The following COL15A1 variants were observed in gnomAD, a reference collection of about 807,000 sequenced individuals.
The protein encoded by COL15A1 is collagen alpha-1(XV) chain.
A neutral mutation model predicts 165.9 loss-of-function variants in COL15A1; 111 were observed. That is an observed-to-expected ratio of 0.67 (90% CI 0.57 to 0.78). The LOEUF (loss-of-function observed/expected upper bound fraction) is 0.78, where lower values mean the gene tolerates loss of function less well. Ranked by LOEUF, COL15A1 falls within the 30% of genes least tolerant of loss-of-function variation. COL15A1 has a pLI of 0.00. For missense variants in COL15A1, 1,745 were observed against 1,789.7 expected (o/e 0.98, Z 0.45); for synonymous variants, 659 against 674.8 (o/e 0.98, Z 0.36).
intron 2 of COL15A1, among the ~76,000 whole-genome samples, chr9:98,981,647 T>G (rs1038065563): frequency 6.6e-6 from 1 of 152,106 alleles, no homozygotes; most frequent in Non-Finnish European, 1.5e-5. Context: ...CGAGTGGACA[T>G]ACAAATGCGT....
chr9:99,063,267 G>C (rs114803848), intron 39 of COL15A1, among the ~76,000 whole-genome samples, 158 bp downstream of exon 39: 10 of 152,194 alleles, frequency 6.6e-5, no homozygotes, highest in Non-Finnish European at 1.5e-4. Flanking sequence ...GTGGTAAGTT[G>C]TTTGGGTGAA....
intron 7 of COL15A1, among the ~76,000 whole-genome samples, chr9:99,002,566 G>A (rs889753420): frequency 1.3e-5 from 2 of 152,202 alleles, no homozygotes; most frequent in Non-Finnish European, 2.9e-5. Context: ...TTTAGCATGG[G>A]GAGATTACCT....
intron 24 of COL15A1, among the ~76,000 whole-genome samples, chr9:99,044,019 A>G (rs1839453791): frequency 6.6e-6 from 1 of 152,166 alleles, no homozygotes; most frequent in Non-Finnish European, 1.5e-5. Context: ...ATGGAGACAT[A>G]AGGCCTCCAT....
intron 16 of COL15A1, among the ~76,000 whole-genome samples, chr9:99,033,284 CAG>C (rs1447159292): frequency 6.6e-6 from 1 of 152,072 alleles, no homozygotes; most frequent in Non-Finnish European, 1.5e-5. Flanking sequence ...TTGGACCTCA[CAG>C]AGTTTCCTAG....
At chr9:99,001,168 C>G (rs1390450781) in intron 7 of COL15A1, among the ~76,000 whole-genome samples, 1 of 152,156 alleles carries the variant, frequency 6.6e-6, no homozygotes, top group Non-Finnish European at 1.5e-5. Flanking sequence ...ATATGCAGTG[C>G]AAGCTTGTCC....
At position 98,960,264 on chromosome 9, in the gene COL15A1, G is replaced by A. The variant is rs181480494; in HGVS notation, c.100+16014G>A. Among the ~76,000 whole-genome samples, 4 of 152,206 alleles carry A rather than the reference G, an allele frequency of 2.6e-5. No homozygotes were observed. In the East Asian group the frequency reaches 5.8e-4, roughly 22 times the overall value. On this transcript the variant is annotated intron_variant, in intron 2 of 41. Transcript: ENST00000375001. ...CTCTATAAAAAATTAGCATGATGTG[G>A]TGACATGTGCCTGTACTCCCAGCTA...
chr9:99,015,478 CT>C lies in COL15A1; in HGVS notation c.1419del (p.Phe473LeufsTer85). 6.2e-7 allele frequency: 1 copy of C among 1,606,628 alleles called. No individual in the cohort carries two copies. The highest frequency in any genetic ancestry group is 8.5e-7 in the Non-Finnish European group (1 of 1,173,548). ...AAAATEVSLS[T>X]FEDEEASGVP... is the part of the protein sequence containing the mutation. The stretch of plus-strand genomic sequence containing the variant: ...GCTGCAACCGAAGTGTCCCTCAGTA[CT>C]TTTGAGGATGAGGAAGCCAGTGGGG... On this transcript the variant is annotated frameshift_variant, in exon 10 of 42. Coordinates refer to ENST00000375001, the MANE Select transcript of COL15A1 (RefSeq NM_001855.5). LOFTEE classifies it high-confidence loss of function.
At chr9:99,025,799 C>A in intron 15 of COL15A1, 105 bp from the exon 16 acceptor site, 2 of 1,232,590 alleles carry the variant, frequency 1.6e-6, no homozygotes, top group Non-Finnish European at 2.3e-6. Context: ...GCCCTGGGCC[C>A]ACCAGCCTCA....
chr9:99,025,114 C>A, intron 15 of COL15A1, 115 bp downstream of exon 15: 1 of 766,264 alleles, frequency 1.3e-6, no homozygotes, highest in Non-Finnish European at 2.1e-6. Context: ...GGGGAGAGAG[C>A]AGCTAGCTGT....
At chr9:98,982,422 G>T (rs1017975990) in intron 2 of COL15A1, among the ~76,000 whole-genome samples, 1 of 152,156 alleles carries the variant, frequency 6.6e-6, no homozygotes, top group Non-Finnish European at 1.5e-5. Context: ...CATCTCAGTT[G>T]GGAAGACCCA....
At chr9:99,014,210 C>CA (rs1327319379) in intron 9 of COL15A1, among the ~76,000 whole-genome samples, 1 of 152,158 alleles carries the variant, frequency 6.6e-6, no homozygotes, top group Non-Finnish European at 1.5e-5. Context: ...TCAGCTAAGA[C>CA]AAAACCCCAA....
At chr9:98,998,517 G>A (rs1838589333) in intron 6 of COL15A1, among the ~76,000 whole-genome samples, 1 of 152,212 alleles carries the variant, frequency 6.6e-6, no homozygotes, top group Non-Finnish European at 1.5e-5. Context: ...TTTGCTGTCG[G>A]CCTGGGGCAA....
intron 23 of COL15A1, among the ~76,000 whole-genome samples, chr9:99,041,605 G>C (rs768986837): frequency 6.6e-6 from 1 of 152,158 alleles, no homozygotes; most frequent in Non-Finnish European, 1.5e-5. Flanking sequence ...AGATGTTGAT[G>C]CCTGGCTGGG....
rs540241599 is a variant in COL15A1 at position 99,015,318 on chromosome 9, T to A, written c.1354-99T>A. On this transcript the variant is annotated intron_variant, in intron 9 of 41. Coordinates refer to ENST00000375001, the MANE Select transcript of COL15A1 (RefSeq NM_001855.5). ...GGAAAGGGAATCATGGAGCCTCCAG[T>A]TATCTGAGGCTTTAGCGCTTTCCAC... 1.3e-4 allele frequency: 103 copies of A among 772,984 alleles called. No individual in the cohort carries two copies. The African/African-American group carries it at 1.7e-3, about 13-fold the overall frequency. 47.9% of individuals were successfully genotyped at this position (772,984 alleles called of 1,614,324 possible).
chr9:99,062,645 C>T (rs1229958159), intron 38 of COL15A1, among the ~76,000 whole-genome samples: 1 of 152,186 alleles, frequency 6.6e-6, no homozygotes, highest in Non-Finnish European at 1.5e-5. Flanking sequence ...CACCATCTGC[C>T]TCATAAGAAC....
intron 31 of COL15A1, among the ~76,000 whole-genome samples, chr9:99,053,488 A>G (rs1825660153): frequency 6.6e-6 from 1 of 152,110 alleles, no homozygotes; most frequent in Admixed American, 6.5e-5. Context: ...AAGGAGGGGG[A>G]GGGAACAGAT....
Position 99,023,357 on chromosome 9 carries a change from G to T in COL15A1, c.1762G>T (p.Ala588Ser), listed in dbSNP as rs1336713064. 6.2e-7 allele frequency: 1 copy of T among 1,601,258 alleles called. No homozygotes were observed. Among genetic ancestry groups the T allele is most frequent in the Non-Finnish European group, 8.5e-7 (1 of 1,172,724 alleles). Residue 588 changes from alanine (A) to serine (S), a missense_variant and splice_region_variant, in exon 14 of 42, where the codon GCA (alanine) becomes TCA (serine). Ala to Ser is a moderately conservative substitution (Grantham distance 99). Transcript: ENST00000375001. ...TAGTGGAAATTTCTTCTCTTTCCAGGCAGGAGCAGAAGCAGAGGGCTCTGG... is the reference window on the plus strand; with the variant it reads ...TAGTGGAAATTTCTTCTCTTTCCAGTCAGGAGCAGAAGCAGAGGGCTCTGG... The part of the protein sequence containing the change: ...PEPSGPVGPT[A>S]GAEAEGSGLG...
chr9:99,006,356 G>C (rs1838762375), intron 9 of COL15A1, among the ~76,000 whole-genome samples: 1 of 152,242 alleles, frequency 6.6e-6, no homozygotes, highest in East Asian at 1.9e-4. Context: ...ACCAATGATA[G>C]GCACTGAATG....
At chr9:98,959,597 T>C (rs78135177) in intron 2 of COL15A1, among the ~76,000 whole-genome samples, 2 of 143,598 alleles carry the variant, frequency 1.4e-5, no homozygotes, top group Non-Finnish European at 3.1e-5. Flanking sequence ...GATCTTGCCA[T>C]AAAAAAAAAA....
Sources: gnomAD v4.1 joint callset for allele counts (sites outside exome capture counted in the v4.1 genomes callset) on GRCh38, gnomAD v4.1.1 for gene constraint, MANE v1.5 for transcripts, NCBI Gene and HGNC (gene_info 2026-07-23, HGNC 2026-07-21) for gene names.